PACSIN2: variants seen among roughly 807,000 people sequenced by gnomAD.
The protein encoded by PACSIN2 is protein kinase C and casein kinase substrate in neurons protein 2.
Under a neutral mutation model 63.8 loss-of-function variants are expected in PACSIN2, and 25 were observed. That is an observed-to-expected ratio of 0.39 (90% CI 0.29 to 0.55). The LOEUF (loss-of-function observed/expected upper bound fraction) is 0.55. PACSIN2 is among the 20% of genes least tolerant of loss of function. The pLI is 0.62. For synonymous variants in PACSIN2, 255 were observed against 256.2 expected (o/e 1.00, Z 0.05); for missense variants, 518 against 646.9 (o/e 0.80, Z 2.16).
At chr22:43,005,307 C>G (rs1924022997) in intron 1 of PACSIN2, among the ~76,000 whole-genome samples, 1 of 152,180 alleles carries the variant, frequency 6.6e-6, no homozygotes, top group South Asian at 2.1e-4. Context: ...ACCCCAGGGT[C>G]AGGCTTTCTA....
chr22:42,981,353 G>A (rs1241749556), intron 1 of PACSIN2, among the ~76,000 whole-genome samples: 43 of 141,294 alleles, frequency 3.0e-4, no homozygotes, highest in Admixed American at 6.2e-4. Context: ...GGAGGGAGGT[G>A]GGGGGGGTCA....
chr22:42,896,761 C>T (rs1209212349), intron 2 of PACSIN2, among the ~76,000 whole-genome samples: 1 of 152,242 alleles, frequency 6.6e-6, no homozygotes, highest in African/African-American at 2.4e-5. Context: ...GTCCTGCATG[C>T]TCCCAGCACT....
intron 1 of PACSIN2, among the ~76,000 whole-genome samples, chr22:42,936,917 AG>A (rs34212391): frequency 0.083 from 9,698 of 117,252 alleles, 470 homozygotes; most frequent in Non-Finnish European, 0.1. Flanking sequence ...CCTCAAAAAA[AG>A]GGGGGGGGGC....
intron 1 of PACSIN2, among the ~76,000 whole-genome samples, chr22:42,937,551 C>A (rs1932966297): frequency 6.6e-6 from 1 of 152,186 alleles, no homozygotes; most frequent in Non-Finnish European, 1.5e-5. Flanking sequence ...AGGTTGTGTG[C>A]AGTGACTACC....
chr22:42,928,144 T>A (rs1180678367), intron 1 of PACSIN2, among the ~76,000 whole-genome samples: 2 of 152,200 alleles, frequency 1.3e-5, no homozygotes, highest in East Asian at 3.8e-4. Flanking sequence ...CAATCTACAC[T>A]TAAGGGGCAA....
intron 1 of PACSIN2, among the ~76,000 whole-genome samples, chr22:42,931,690 G>A (rs1205210199): frequency 2.0e-5 from 3 of 152,188 alleles, no homozygotes; most frequent in African/African-American, 7.2e-5. Context: ...TCCAGCTGCT[G>A]GCTAGGCTGA....
chr22:42,911,916 G>C, intron 2 of PACSIN2, 105 bp downstream of exon 2: 1 of 762,670 alleles, frequency 1.3e-6, no homozygotes, highest in Non-Finnish European at 2.2e-6. Flanking sequence ...GCTGGTTTGG[G>C]GGTATGTTCA....
intron 1 of PACSIN2, among the ~76,000 whole-genome samples, chr22:43,004,794 C>T (rs1412111019): frequency 1.3e-5 from 2 of 152,244 alleles, no homozygotes; most frequent in Admixed American, 6.5e-5. Flanking sequence ...GCAGAGGCCC[C>T]GTCACAGGCC....
At chr22:42,877,289 G>T (rs983424372) in intron 8 of PACSIN2, among the ~76,000 whole-genome samples, 8 of 152,258 alleles carry the variant, frequency 5.3e-5, no homozygotes, top group African/African-American at 1.9e-4. Flanking sequence ...GCCCAGGGGC[G>T]GGTGACAAGC....
intron 1 of PACSIN2, among the ~76,000 whole-genome samples, chr22:42,968,100 A>G (rs1487542554): frequency 6.6e-6 from 1 of 152,230 alleles, no homozygotes; most frequent in East Asian, 1.9e-4. Context: ...ACAGTTGCAC[A>G]GCAATGGTAG....
chr22:42,981,543 G>A lies in PACSIN2; in HGVS notation c.-78+33478C>T, dbSNP rs1490524242. ...AGGTGGGGGGGTCAGCCCCCCGCCC[G>A]GCCGGCCGCCCCGTCCGGGAGGTGA... On this transcript the variant is annotated intron_variant, in intron 1 of 10. Transcript: ENST00000263246. 5.6e-3 allele frequency among the ~76,000 whole-genome samples: 602 copies of A among 107,130 alleles called. 1 individual carries two copies. The highest frequency in any genetic ancestry group is 8.4e-3 in the Non-Finnish European group (435 of 51,698). The allele number at this position is 107,130 out of a possible 152,430, so 70.3% of individuals were successfully genotyped here.
intron 1 of PACSIN2, among the ~76,000 whole-genome samples, chr22:42,933,459 CA>C (rs1170710136): frequency 6.6e-6 from 1 of 152,094 alleles, no homozygotes; most frequent in East Asian, 1.9e-4. Flanking sequence ...AAATAAATGA[CA>C]AAATAAATAA....
chr22:43,011,140 C>T (rs965343026), intron 1 of PACSIN2, among the ~76,000 whole-genome samples: 3 of 152,144 alleles, frequency 2.0e-5, no homozygotes, highest in Non-Finnish European at 2.9e-5. Flanking sequence ...GGGGCAGGGA[C>T]GAATGATACT....
At chr22:42,893,641 G>C (rs767414644) in intron 2 of PACSIN2, 28 bp from the exon 3 acceptor site, 6 of 1,603,258 alleles carry the variant, frequency 3.7e-6, no homozygotes, top group African/African-American at 1.3e-5. Context: ...CTGGGAGGCA[G>C]GGGGCTTGGG....
At chr22:42,936,559 A>G (rs1475072062) in intron 1 of PACSIN2, among the ~76,000 whole-genome samples, 1 of 152,212 alleles carries the variant, frequency 6.6e-6, no homozygotes, top group African/African-American at 2.4e-5. Context: ...TGTAGTATGC[A>G]TTTTGTATCA....
At chr22:42,922,474 C>T (rs1271963290) in intron 1 of PACSIN2, among the ~76,000 whole-genome samples, 1 of 152,204 alleles carries the variant, frequency 6.6e-6, no homozygotes, top group Non-Finnish European at 1.5e-5. Context: ...CCCCGATACC[C>T]CGCTCTAATC....
At chr22:42,901,181 G>C (rs1252486743) in intron 2 of PACSIN2, among the ~76,000 whole-genome samples, 1 of 152,116 alleles carries the variant, frequency 6.6e-6, no homozygotes, top group African/African-American at 2.4e-5. Context: ...GGAGAGGAAG[G>C]GTCAAGGGTG....
At chr22:42,985,410 G>A (rs565132220) in intron 1 of PACSIN2, among the ~76,000 whole-genome samples, 3 of 152,266 alleles carry the variant, frequency 2.0e-5, no homozygotes, top group East Asian at 1.9e-4. Flanking sequence ...TGGGCTCCAC[G>A]TTCTGCCCAC....
chr22:42,976,456 G>C (rs1018563919), intron 1 of PACSIN2, among the ~76,000 whole-genome samples: 6 of 117,696 alleles, frequency 5.1e-5, no homozygotes, highest in African/African-American at 2.1e-4. Context: ...AAGTCCACAG[G>C]ATCATCGATT....
Sources: gnomAD v4.1 joint callset for allele counts (sites outside exome capture counted in the v4.1 genomes callset) on GRCh38, gnomAD v4.1.1 for gene constraint, MANE v1.5 for transcripts, NCBI Gene and HGNC (gene_info 2026-07-23, HGNC 2026-07-21) for gene names.